CFHR3: variants seen among roughly 807,000 people sequenced by gnomAD.
CFHR3 encodes complement factor H related 3, also known as complement factor H-related protein 3.
In CFHR3, 22 loss-of-function variants were observed where a neutral mutation model predicts 36.0. The ratio of observed to expected loss-of-function variants is 0.61; its 90% CI spans 0.44 to 0.87. The LOEUF (loss-of-function observed/expected upper bound fraction) is 0.87, where lower values mean the gene tolerates loss of function less well. Ranked by LOEUF, CFHR3 falls within the 40% of genes least tolerant of loss-of-function variation. The pLI is 0.00. For synonymous variants in CFHR3, 97 were observed against 137.4 expected (o/e 0.71, Z 2.06); for missense variants, 276 against 401.3 (o/e 0.69, Z 2.67).
chr1:196,780,342 A>G (rs1056738968), intron 3 of CFHR3, among the ~76,000 whole-genome samples: 3 of 137,222 alleles, frequency 2.2e-5, no homozygotes, highest in African/African-American at 9.1e-5. Context: ...TACATATTCT[A>G]CTCTAGAAGG....
intron 2 of CFHR3, 30 bp downstream of exon 2, chr1:196,779,386 T>C: frequency 2.2e-6 from 3 of 1,367,468 alleles, no homozygotes; most frequent in Non-Finnish European, 3.0e-6. Flanking sequence ...GCTACACATG[T>C]ATAAAACTTT....
chr1:196,778,119 G>A (rs541823907), intron 1 of CFHR3, among the ~76,000 whole-genome samples: 2 of 135,632 alleles, frequency 1.5e-5, no homozygotes, highest in East Asian at 3.9e-4. Flanking sequence ...CACAGTGCAG[G>A]GAGATTTAGA....
chr1:196,785,628 T>C lies in CFHR3; in HGVS notation c.431-2588T>C, dbSNP rs184961969. ...TGAGGCTTCTGTATTCTTCACGTAGTTCTCGAGCCTTGGCTTTCAGCTCCA... is the reference window on the plus strand; with the variant it reads ...TGAGGCTTCTGTATTCTTCACGTAGCTCTCGAGCCTTGGCTTTCAGCTCCA... On this transcript the variant is annotated intron_variant, in intron 3 of 5. Transcript: ENST00000367425. Among the ~76,000 whole-genome samples, 107 of 137,454 alleles carry C rather than the reference T, an allele frequency of 7.8e-4. 30 individuals carry two copies. Among genetic ancestry groups the C allele is most frequent in the African/African-American group, 3.2e-3 (105 of 33,008 alleles). The allele number at this position is 137,454 out of a possible 152,430, so 90.2% of individuals were successfully genotyped here. A position where few individuals can be genotyped will look rare whatever the true frequency, so the allele number is the denominator to read the frequency against.
At position 196,779,934 on chromosome 1, in the gene CFHR3, G is replaced by A; in HGVS notation, c.391G>A (p.Glu131Lys). Residue 131 changes from glutamate (E) to lysine (K), a missense_variant, in exon 3 of 6, where the codon GAG becomes AAG. By Grantham distance (56) the Glu-to-Lys change is moderately conservative. Around this residue, in one of 3 missense-constraint regions of CFHR3, gnomAD observed 178 missense variants for 247.2 expected, o/e 0.72. Transcript: ENST00000367425. ...PKAQTTVTCT[E>K]KGWSPTPRCI... ...AGCGCAGACCACAGTTACATGTACG[G>A]AGAAAGGCTGGTCTCCTACTCCCAG... The A allele has an allele frequency of 6.5e-7, 1 of 1,533,200 alleles. No individual in the cohort carries two copies. Among genetic ancestry groups the A allele is most frequent in the Non-Finnish European group, 8.8e-7 (1 of 1,133,366 alleles). The allele number at this position is 1,533,200 out of a possible 1,614,324, so 95.0% of individuals were successfully genotyped here.
At chr1:196,793,018 T>C (rs1450242872) in intron 5 of CFHR3, among the ~76,000 whole-genome samples, 1 of 135,156 alleles carries the variant, frequency 7.4e-6, no homozygotes. Context: ...CTTTTTGATA[T>C]GAAGTCACTA....
intron 1 of CFHR3, 115 bp from the exon 2 acceptor site, chr1:196,779,047 G>T: frequency 1.2e-6 from 1 of 838,452 alleles, no homozygotes; most frequent in East Asian, 2.7e-5. Context: ...ACTAGTTATG[G>T]TTGCTGTAAT....
At chr1:196,789,525 T>TA (rs1654340189) in intron 4 of CFHR3, 1 of 961,068 alleles carries the variant, frequency 1.0e-6, no homozygotes, top group Admixed American at 4.6e-5. Flanking sequence ...TTATAGAACT[T>TA]ATATCCAATT....
Position 196,784,154 on chromosome 1 carries a change from T to C in CFHR3, c.431-4062T>C, listed in dbSNP as rs1261096726. Among the ~76,000 whole-genome samples, 2 of 137,012 alleles carry C rather than the reference T, an allele frequency of 1.5e-5. 1 individual carries two copies. The highest frequency in any genetic ancestry group is 3.1e-5 in the Non-Finnish European group (2 of 64,586). 89.9% of individuals were successfully genotyped at this position (137,012 alleles called of 152,430 possible). ...ATCCTGAGTTCTAGTTTGATTGCAC[T>C]GTGGTCTGAGAGACAGTTTGTTATA... On this transcript the variant is annotated intron_variant, in intron 3 of 5. Transcript: ENST00000367425.
chr1:196,792,069 T>C (rs1449039518), intron 5 of CFHR3, among the ~76,000 whole-genome samples: 35 of 129,986 alleles, frequency 2.7e-4, no homozygotes, highest in African/African-American at 1.1e-3. Context: ...ATGAGGAAAA[T>C]TTTCCCAGGC....
rs992939765 is a variant in CFHR3 at position 196,786,223 on chromosome 1, C to A, written c.431-1993C>A. ...GTCAGTCTGCCCCTACTGGGTGGTG[C>A]CTCCCAGTTAGGCTGCTCGGGGGTT... is the stretch of plus-strand genomic sequence containing the variant. On this transcript the variant is annotated intron_variant, in intron 3 of 5. Coordinates refer to ENST00000367425, the MANE Select transcript of CFHR3 (RefSeq NM_021023.6). 3.7e-5 allele frequency among the ~76,000 whole-genome samples: 5 copies of A among 136,104 alleles called. 1 individual carries two copies. The highest frequency in any genetic ancestry group is 1.5e-4 in the African/African-American group (5 of 32,268). 89.3% of individuals were successfully genotyped at this position (136,104 alleles called of 152,430 possible). A position where few individuals can be genotyped will look rare whatever the true frequency, so the allele number is the denominator to read the frequency against.
rs1275157915 is a variant in CFHR3 at position 196,777,220 on chromosome 1, T to C, written c.59-1942T>C. On this transcript the variant is annotated intron_variant, in intron 1 of 5. Transcript: ENST00000367425. ...TTTGTATTGACCAATATTTCTTCCA[T>C]CAACTCATAAGTTATTTACACTTAT... is the stretch of plus-strand genomic sequence containing the variant. 1.5e-5 allele frequency among the ~76,000 whole-genome samples: 2 copies of C among 137,262 alleles called. 1 individual carries two copies. The highest frequency in any genetic ancestry group is 3.1e-5 in the Non-Finnish European group (2 of 64,640). The allele number at this position is 137,262 out of a possible 152,430, so 90.0% of individuals were successfully genotyped here. A position where few individuals can be genotyped will look rare whatever the true frequency, so the allele number is the denominator to read the frequency against.
chr1:196,792,609 T>A (rs1654459684), intron 5 of CFHR3, among the ~76,000 whole-genome samples: 1 of 134,040 alleles, frequency 7.5e-6, no homozygotes, highest in Non-Finnish European at 1.6e-5. Context: ...ATCTTACTGA[T>A]TTTACAGATG....
In CFHR3 at chr1:196,779,185, A is replaced by C; in HGVS notation, c.82A>C (p.Ile28Leu). The C allele has an allele frequency of 6.5e-7, 1 of 1,529,398 alleles. No homozygotes were observed. Among genetic ancestry groups the C allele is most frequent in the African/African-American group, 1.6e-5 (1 of 60,790 alleles). 94.7% of individuals were successfully genotyped at this position (1,529,398 alleles called of 1,614,324 possible). ...GQVKPCDFPD[I>L]KHGGLFHENM... ...AGTGAAACCTTGTGATTTTCCAGAC[A>C]TTAAACATGGAGGTCTATTTCATGA... Residue 28 changes from isoleucine (I) to leucine (L), a missense_variant, in exon 2 of 6, where the codon ATT (isoleucine) becomes CTT (leucine). This residue lies in a region of CFHR3 where 178 missense variants were observed against 247.2 expected (regional missense o/e 0.72). Transcript: ENST00000367425.
chr1:196,782,970 A>C (rs1047519142), intron 3 of CFHR3, among the ~76,000 whole-genome samples: 1 of 136,874 alleles, frequency 7.3e-6, no homozygotes, highest in Non-Finnish European at 1.5e-5. Context: ...ATTTTGAGAT[A>C]TGTCCCATCA....
chr1:196,781,653 G>GT lies in CFHR3; in HGVS notation c.430+1687dup, dbSNP rs1180740167. On this transcript the variant is annotated intron_variant, in intron 3 of 5. Transcript: ENST00000367425. The stretch of plus-strand genomic sequence containing the variant: ...TGCCCACTTTTTGATGGGGTTGTTT[G>GT]TTTTTTTCTTGTAAATTTGTTTGAG... 1.5e-5 allele frequency among the ~76,000 whole-genome samples: 2 copies of GT among 135,272 alleles called. 1 individual carries two copies. The highest frequency in any genetic ancestry group is 3.1e-5 in the Non-Finnish European group (2 of 64,092). The allele number at this position is 135,272 out of a possible 152,430, so 88.7% of individuals were successfully genotyped here. A position where few individuals can be genotyped will look rare whatever the true frequency, so the allele number is the denominator to read the frequency against.
chr1:196,790,056 A>G lies in CFHR3; in HGVS notation c.625A>G (p.Lys209Glu), dbSNP rs778147276. Residue 209 changes from lysine to glutamate, a missense_variant, in exon 5 of 6, where the codon AAG becomes GAG. By Grantham distance (56) the Lys-to-Glu change is moderately conservative (BLOSUM62 1). Transcript: ENST00000367425. ...GTATTTTTTTTCAGATTCTTCAGAA[A>G]AGTGTGGGCCTCCTCCACCTATTAG... ...AQPICINSSE[K>E]CGPPPPISNG... The G allele has an allele frequency of 7.4e-7, 1 of 1,347,546 alleles. No homozygotes were observed. Among genetic ancestry groups the G allele is most frequent in the Non-Finnish European group, 9.8e-7 (1 of 1,015,356 alleles). 83.5% of individuals were successfully genotyped at this position (1,347,546 alleles called of 1,614,324 possible).
intron 3 of CFHR3, among the ~76,000 whole-genome samples, chr1:196,782,062 C>T (rs1653974256): frequency 1.5e-5 from 2 of 137,354 alleles, no homozygotes. Context: ...AATAGGGAAT[C>T]CTTTCCCCAT....
intron 1 of CFHR3, among the ~76,000 whole-genome samples, chr1:196,775,170 C>A (rs1653661411): frequency 7.3e-6 from 1 of 136,310 alleles, no homozygotes; most frequent in Admixed American, 7.1e-5. Context: ...TTTCTAAGTT[C>A]TACAGTGTAA....
At chr1:196,787,402 A>G (rs187747126) in intron 3 of CFHR3, among the ~76,000 whole-genome samples, 3 of 137,274 alleles carry the variant, frequency 2.2e-5, no homozygotes, top group Non-Finnish European at 4.6e-5. Context: ...ATTATGACAA[A>G]TGCTATATTA....
Sources: allele counts gnomAD v4.1 joint callset (sites outside exome capture counted in the v4.1 genomes callset), GRCh38; gene constraint gnomAD v4.1.1; regional missense constraint gnomAD v4.1.1; transcripts MANE v1.5; gene names NCBI Gene and HGNC (gene_info 2026-07-23, HGNC 2026-07-21).